The following PAX5 variants were observed in gnomAD, a reference collection of about 807,000 sequenced individuals.
PAX5 encodes the protein paired box 5, also known as paired box protein Pax-5.
Under a neutral mutation model 43.7 loss-of-function variants are expected in PAX5, and 9 were observed. The ratio of observed to expected loss-of-function variants is 0.21; its 90% CI spans 0.12 to 0.36. The LOEUF (loss-of-function observed/expected upper bound fraction) is 0.36, where lower values mean the gene tolerates loss of function less well. Ranked by LOEUF, PAX5 falls within the 10% of genes least tolerant of loss-of-function variation. The probability of loss-of-function intolerance (pLI) is 1.00; values close to 1 mark genes in which losing one functional copy is unlikely to be tolerated. For missense variants in PAX5, 383 were observed against 532.7 expected (o/e 0.72, Z 2.77); for synonymous variants, 228 against 214.3 (o/e 1.06, Z -0.56).
At chr9:36,863,696 C>T (rs750649845) in intron 8 of PAX5, among the ~76,000 whole-genome samples, 18 of 151,838 alleles carry the variant, frequency 1.2e-4, no homozygotes, top group Admixed American at 7.2e-4. Context: ...CTGTGCAAGC[C>T]GATGCCTCCA....
chr9:36,994,885 G>C (rs939338756), intron 5 of PAX5, among the ~76,000 whole-genome samples: 2 of 152,148 alleles, frequency 1.3e-5, no homozygotes, highest in Non-Finnish European at 2.9e-5. Flanking sequence ...GGAAAGCATG[G>C]CTACCAGGCT....
chr9:36,932,600 G>A (rs1022715924), intron 6 of PAX5, among the ~76,000 whole-genome samples: 2 of 152,198 alleles, frequency 1.3e-5, no homozygotes, highest in Non-Finnish European at 2.9e-5. Context: ...ACCAGCATGA[G>A]GGATCTTTCT....
chr9:37,030,809 T>C (rs1348127974), intron 1 of PAX5, among the ~76,000 whole-genome samples: 1 of 152,100 alleles, frequency 6.6e-6, no homozygotes, highest in Non-Finnish European at 1.5e-5. Flanking sequence ...GCTGCTACAG[T>C]GTTCTAGTAG....
Position 36,866,340 on chromosome 9 carries a change from T to C in PAX5, c.1012+15664A>G, listed in dbSNP as rs193289993. Among the ~76,000 whole-genome samples the C allele has an allele frequency of 3.9e-5, 6 of 152,342 alleles. No individual in the cohort carries two copies. In the East Asian group the frequency reaches 1.2e-3, roughly 29 times the overall value. On this transcript the variant is annotated intron_variant, in intron 8 of 9. Coordinates refer to ENST00000358127, the MANE Select transcript of PAX5 (RefSeq NM_016734.3). ...AACAGAAAACAATCATTTCTTTGTG[T>C]CTGGCTACCTGACTCTGGGTAGGGG...
At chr9:36,872,860 C>T (rs1457695808) in intron 8 of PAX5, among the ~76,000 whole-genome samples, 1 of 152,220 alleles carries the variant, frequency 6.6e-6, no homozygotes, top group Non-Finnish European at 1.5e-5. Flanking sequence ...GGATGCTCAG[C>T]CTCATGCCCA....
At chr9:36,843,602 G>A (rs555922676) in intron 9 of PAX5, among the ~76,000 whole-genome samples, 3 of 152,330 alleles carry the variant, frequency 2.0e-5, no homozygotes, top group East Asian at 1.9e-4. Context: ...GGCCAATATC[G>A]TTTGTGCTCT....
intron 6 of PAX5, among the ~76,000 whole-genome samples, chr9:36,930,671 T>A (rs1189803439): frequency 6.6e-6 from 1 of 152,096 alleles, no homozygotes; most frequent in Non-Finnish European, 1.5e-5. Context: ...GCCAGTTCTA[T>A]GAATCTCATT....
intron 7 of PAX5, among the ~76,000 whole-genome samples, chr9:36,921,825 C>T (rs1368004634): frequency 6.6e-6 from 1 of 152,220 alleles, no homozygotes; most frequent in African/African-American, 2.4e-5. Flanking sequence ...TTATGCTGGG[C>T]AAGCCACCGC....
At chr9:37,005,348 C>T (rs929856709) in intron 4 of PAX5, among the ~76,000 whole-genome samples, 2 of 152,188 alleles carry the variant, frequency 1.3e-5, no homozygotes, top group African/African-American at 2.4e-5. Flanking sequence ...AGGTCTGCAC[C>T]GCAGGGACTT....
intron 7 of PAX5, among the ~76,000 whole-genome samples, chr9:36,907,886 C>A (rs1170636283): frequency 1.3e-5 from 2 of 152,146 alleles, no homozygotes; most frequent in African/African-American, 4.8e-5. Flanking sequence ...GCTGTACATA[C>A]TTCTGTGCCA....
intron 5 of PAX5, among the ~76,000 whole-genome samples, chr9:36,990,004 G>T (rs1001064953): frequency 6.6e-6 from 1 of 152,118 alleles, no homozygotes. Context: ...TGCTGGTGGG[G>T]AGTTGGGTTG....
chr9:36,941,845 ACT>A (rs1285347499), intron 6 of PAX5, among the ~76,000 whole-genome samples: 3 of 152,044 alleles, frequency 2.0e-5, no homozygotes, highest in South Asian at 4.2e-4. Context: ...AGGACATGAG[ACT>A]CACACCAGGC....
chr9:36,977,649 G>A lies in PAX5; in HGVS notation c.605-10925C>T, dbSNP rs556125525. 2.6e-5 allele frequency among the ~76,000 whole-genome samples: 4 copies of A among 152,282 alleles called. No homozygotes were observed. The South Asian group carries it at 6.2e-4, about 24-fold the overall frequency. On this transcript the variant is annotated intron_variant, in intron 5 of 9. Transcript: ENST00000358127. Reference sequence around the variant, plus strand: ...AGGTTCAAGCGATTCTCCTGCCTCAGCCTCTCAAGTAGCTGGGACTACAGG... The same window carrying A: ...AGGTTCAAGCGATTCTCCTGCCTCAACCTCTCAAGTAGCTGGGACTACAGG...
chr9:37,006,991 C>T (rs968873707), intron 3 of PAX5, among the ~76,000 whole-genome samples: 2 of 152,266 alleles, frequency 1.3e-5, no homozygotes, highest in East Asian at 3.9e-4. Flanking sequence ...TGGCAGCGCT[C>T]ACGTGCTGGT....
At chr9:36,923,805 C>T (rs955323374) in intron 6 of PAX5, among the ~76,000 whole-genome samples, 5 of 152,218 alleles carry the variant, frequency 3.3e-5, no homozygotes, top group African/African-American at 1.2e-4. Flanking sequence ...CCACACTCCT[C>T]AGTGCAGGGA....
intron 7 of PAX5, among the ~76,000 whole-genome samples, chr9:36,914,968 A>T (rs1306877808): frequency 6.6e-6 from 1 of 152,236 alleles, no homozygotes; most frequent in Non-Finnish European, 1.5e-5. Context: ...ACTTATTTAC[A>T]TCGGTACAGA....
chr9:36,895,606 G>T (rs1234466222), intron 7 of PAX5, among the ~76,000 whole-genome samples: 1 of 152,202 alleles, frequency 6.6e-6, no homozygotes, highest in Non-Finnish European at 1.5e-5. Flanking sequence ...CACTTAGGAA[G>T]CCGCCTGGCC....
At chr9:36,875,974 C>T (rs996188468) in intron 8 of PAX5, among the ~76,000 whole-genome samples, 8 of 152,202 alleles carry the variant, frequency 5.3e-5, no homozygotes, top group Admixed American at 2.6e-4. Flanking sequence ...TAATTTGTCA[C>T]AGCAGCAACA....
intron 6 of PAX5, among the ~76,000 whole-genome samples, chr9:36,925,666 A>T (rs550382942): frequency 8.3e-4 from 127 of 152,358 alleles, no homozygotes; most frequent in Non-Finnish European, 1.6e-3. Context: ...GGTGGATTAG[A>T]GACCTAAATG....
Sources: gnomAD v4.1 joint callset for allele counts (sites outside exome capture counted in the v4.1 genomes callset) on GRCh38, gnomAD v4.1.1 for gene constraint, MANE v1.5 for transcripts, NCBI Gene and HGNC (gene_info 2026-07-23, HGNC 2026-07-21) for gene names.